ELF1: variants seen among roughly 807,000 people sequenced by gnomAD.
ELF1 encodes E74 like ETS transcription factor 1.
Under a neutral mutation model 59.9 loss-of-function variants are expected in ELF1, and 24 were observed. That is an observed-to-expected ratio of 0.40 (90% CI 0.29 to 0.56). The LOEUF is 0.56. Ranked by LOEUF, ELF1 falls within the 20% of genes least tolerant of loss-of-function variation. The pLI is 0.44. For synonymous variants in ELF1, 248 were observed against 266.2 expected, an observed-to-expected ratio of 0.93 and a Z score of 0.67; for missense variants, 627 against 742.2, an observed-to-expected ratio of 0.84 and a Z score of 1.80.
At chr13:40,979,962 A>G (rs1873160402) in intron 2 of ELF1, among the ~76,000 whole-genome samples, 1 of 152,188 alleles carries the variant, frequency 6.6e-6, no homozygotes, top group Non-Finnish European at 1.5e-5. Flanking sequence ...AATTAACCTA[A>G]TAAGCAAACA....
At chr13:41,060,095 C>CGAG (rs1877452261) in intron 1 of ELF1, among the ~76,000 whole-genome samples, 1 of 152,218 alleles carries the variant, frequency 6.6e-6, no homozygotes, top group Non-Finnish European at 1.5e-5. Flanking sequence ...GAAGACCTCG[C>CGAG]AGGCCGGCCT....
At chr13:41,037,726 G>A (rs1289499970) in intron 1 of ELF1, among the ~76,000 whole-genome samples, 7 of 151,240 alleles carry the variant, frequency 4.6e-5, no homozygotes, top group Admixed American at 1.3e-4. Context: ...AACCTGGGAG[G>A]TGGAGGTTGC....
At chr13:41,031,933 A>C (rs1476632657) in intron 1 of ELF1, among the ~76,000 whole-genome samples, 1 of 152,052 alleles carries the variant, frequency 6.6e-6, no homozygotes, top group East Asian at 1.9e-4. Flanking sequence ...AAATCCATGA[A>C]AATGTAATTA....
At chr13:40,951,513 T>G in intron 3 of ELF1, 77 bp from the exon 4 acceptor site, 378 of 1,038,520 alleles carry the variant, frequency 3.6e-4, no homozygotes, top group Non-Finnish European at 4.9e-4. Flanking sequence ...CGCTTATCTC[T>G]AGAACCAGAA....
chr13:40,983,163 T>C (rs2138276123), intron 1 of ELF1, among the ~76,000 whole-genome samples: 1 of 152,342 alleles, frequency 6.6e-6, no homozygotes, highest in East Asian at 1.9e-4. Flanking sequence ...ACAATCTTAC[T>C]ACATTTTCAT....
At chr13:41,053,936 CAAAA>C (rs992778778) in intron 1 of ELF1, among the ~76,000 whole-genome samples, 1 of 151,918 alleles carries the variant, frequency 6.6e-6, no homozygotes, top group African/African-American at 2.4e-5. Flanking sequence ...ACCAAATCCA[CAAAA>C]AAACGAGGCA....
intron 1 of ELF1, among the ~76,000 whole-genome samples, chr13:41,010,608 A>G (rs1875009348): frequency 6.6e-6 from 1 of 152,090 alleles, no homozygotes; most frequent in Admixed American, 6.6e-5. Flanking sequence ...TACATTTTAA[A>G]TGGAGGTTAA....
At chr13:41,021,688 G>A (rs1237448459), upstream of ELF1, among the ~76,000 whole-genome samples, 1 of 152,080 alleles carries the variant, frequency 6.6e-6, no homozygotes, top group Non-Finnish European at 1.5e-5. Flanking sequence ...ATTAAAATAA[G>A]TCCACACACT....
At chr13:41,060,905 A>AGCT (rs1303515166) in exon 1 of ELF1, 3,515 of 319,746 alleles carry the variant, frequency 0.011, 287 homozygotes, top group African/African-American at 0.044. Context: ...GCGCTACTGA[A>AGCT]GCTGCTGCTG....
intron 1 of ELF1, among the ~76,000 whole-genome samples, chr13:40,988,241 T>C (rs1021860283): frequency 2.0e-5 from 3 of 152,200 alleles, no homozygotes; most frequent in African/African-American, 7.2e-5. Context: ...CTGAAAAAGA[T>C]CTAAGGATTA....
chr13:40,944,053 G>A, intron 5 of ELF1, 128 bp from the exon 6 acceptor site: 1 of 764,752 alleles, frequency 1.3e-6, no homozygotes, highest in African/African-American at 1.8e-5. Context: ...CACATATACA[G>A]GTCTCTTAAA....
chr13:41,043,846 T>C (rs1486497119), intron 1 of ELF1, among the ~76,000 whole-genome samples: 2 of 152,200 alleles, frequency 1.3e-5, no homozygotes, highest in Admixed American at 1.3e-4. Flanking sequence ...AAGTCATTGG[T>C]AGCTTGATGG....
chr13:40,935,477 A>G (rs912817647), intron 8 of ELF1, among the ~76,000 whole-genome samples: 2 of 152,320 alleles, frequency 1.3e-5, no homozygotes, highest in South Asian at 4.1e-4. Flanking sequence ...GAAAGATGAA[A>G]CAAAGACCCA....
intron 1 of ELF1, among the ~76,000 whole-genome samples, chr13:41,055,415 A>C (rs978355347): frequency 2.0e-5 from 3 of 150,370 alleles, no homozygotes; most frequent in Non-Finnish European, 4.4e-5. Flanking sequence ...GCAAAAGCCT[A>C]ACCAGCCTTC....
intron 3 of ELF1, among the ~76,000 whole-genome samples, chr13:40,955,370 G>A (rs1871200594): frequency 2.8e-5 from 4 of 142,964 alleles, no homozygotes; most frequent in Admixed American, 1.4e-4. Context: ...CCGGGAGGGA[G>A]ATGGGGGGGT....
intron 8 of ELF1, among the ~76,000 whole-genome samples, chr13:40,939,161 CA>C (rs1386486609): frequency 1.3e-5 from 2 of 151,904 alleles, no homozygotes; most frequent in Admixed American, 6.6e-5. Context: ...CCCATTTCTA[CA>C]AAAAATTAAA....
At chr13:41,004,834 C>A (rs779574371) in intron 1 of ELF1, among the ~76,000 whole-genome samples, 1 of 152,090 alleles carries the variant, frequency 6.6e-6, no homozygotes, top group African/African-American at 2.4e-5. Context: ...CTATTAGGTG[C>A]TGTAGCAAAC....
chr13:41,014,444 G>C (rs1875243562), intron 1 of ELF1, among the ~76,000 whole-genome samples: 3 of 152,084 alleles, frequency 2.0e-5, no homozygotes, highest in Admixed American at 2.0e-4. Context: ...AAAGCAAATA[G>C]CACACAATGA....
chr13:40,969,726 A>G (rs1039674013), intron 2 of ELF1, among the ~76,000 whole-genome samples: 1 of 152,188 alleles, frequency 6.6e-6, no homozygotes, highest in African/African-American at 2.4e-5. Context: ...TTTTTAAGAC[A>G]GGGTCTCTGT....
Sources: gnomAD v4.1 joint callset for allele counts (sites outside exome capture counted in the v4.1 genomes callset) on GRCh38, gnomAD v4.1.1 for gene constraint, MANE v1.5 for transcripts, NCBI Gene and HGNC (gene_info 2026-07-23, HGNC 2026-07-21) for gene names.